The following ABCC5 variants were observed in gnomAD, a reference collection of about 807,000 sequenced individuals.
ABCC5 encodes ATP binding cassette subfamily C member 5, also known as ATP-binding cassette sub-family C member 5.
A neutral mutation model predicts 160.9 loss-of-function variants in ABCC5; 61 were observed. The observed-to-expected ratio is 0.38, with a 90% CI of 0.31 to 0.47. The LOEUF (loss-of-function observed/expected upper bound fraction) is 0.47. Among genes scored for constraint, ABCC5 ranks in the 20% least tolerant of loss-of-function variants. The pLI is 0.99. For synonymous variants in ABCC5, 666 were observed against 700.6 expected, an observed-to-expected ratio of 0.95 and a Z score of 0.78; for missense variants, 1,308 against 1,813.3, an observed-to-expected ratio of 0.72 and a Z score of 5.06.
At chr3:183,972,652 A>AT (rs112456208) in intron 10 of ABCC5, among the ~76,000 whole-genome samples, 19 of 150,830 alleles carry the variant, frequency 1.3e-4, no homozygotes, top group Admixed American at 2.0e-4. Flanking sequence ...AAGAAAAATA[A>AT]TTTTTTTTTT....
chr3:183,930,022 A>T (rs550109635), intron 26 of ABCC5, among the ~76,000 whole-genome samples: 1 of 105,744 alleles, frequency 9.5e-6, no homozygotes, highest in South Asian at 2.8e-4. Flanking sequence ...GGGATGTTAC[A>T]GTAATTTTGG....
intron 10 of ABCC5, among the ~76,000 whole-genome samples, chr3:183,977,246 G>A (rs1173345931): frequency 6.6e-6 from 1 of 152,224 alleles, no homozygotes; most frequent in Non-Finnish European, 1.5e-5. Context: ...CCAGGTGGAA[G>A]GGGCTAGCTC....
Position 183,963,688 on chromosome 3 carries a change from C to T in ABCC5, c.2032-100G>A. ...CTCTTCTTGCCCACCCAGACCAGCT[C>T]CTTCTGTCAATTCCCCGCAGATGAA... On this transcript the variant is annotated intron_variant, in intron 14 of 29. Transcript: ENST00000334444. This position sits in a 1 kb window ranked among gnomAD's most constrained non-coding sequence, Gnocchi z 4.6. 9.1e-7 allele frequency: 1 copy of T among 1,104,730 alleles called. No homozygotes were observed. The highest frequency in any genetic ancestry group is 2.3e-5 in the Admixed American group (1 of 43,256). 68.4% of individuals were successfully genotyped at this position (1,104,730 alleles called of 1,614,324 possible). A position where few individuals can be genotyped will look rare whatever the true frequency, so the allele number is the denominator to read the frequency against.
intron 28 of ABCC5, 78 bp downstream of exon 28, chr3:183,927,252 T>C (rs1712674342): frequency 7.0e-7 from 1 of 1,425,728 alleles, no homozygotes. Flanking sequence ...AGGAATACCT[T>C]TGGACCCCAG....
intron 26 of ABCC5, among the ~76,000 whole-genome samples, chr3:183,935,793 C>T (rs959178636): frequency 5.9e-5 from 9 of 152,220 alleles, no homozygotes; most frequent in South Asian, 4.1e-4. Context: ...TGAGCCACCA[C>T]GCCTGACCAA....
chr3:183,987,655 T>C lies in ABCC5; in HGVS notation c.591+115A>G. ...CCCTTTCAACAGACCTGAAGGCATCTCTAAGACTGCTACCTAGCCCAAAGC... is the reference window on the plus strand; with the variant it reads ...CCCTTTCAACAGACCTGAAGGCATCCCTAAGACTGCTACCTAGCCCAAAGC... On this transcript the variant is annotated intron_variant, in intron 5 of 29. Transcript: ENST00000334444. This position sits in a 1 kb window ranked among gnomAD's most constrained non-coding sequence, Gnocchi z 4.2. 6.9e-7 allele frequency: 1 copy of C among 1,455,862 alleles called. No homozygotes were observed. Among genetic ancestry groups the C allele is most frequent in the Non-Finnish European group, 9.4e-7 (1 of 1,059,168 alleles). The allele number at this position is 1,455,862 out of a possible 1,614,324, so 90.2% of individuals were successfully genotyped here. A position where few individuals can be genotyped will look rare whatever the true frequency, so the allele number is the denominator to read the frequency against.
chr3:183,953,871 C>A (rs1183491148), intron 17 of ABCC5, among the ~76,000 whole-genome samples: 1 of 152,174 alleles, frequency 6.6e-6, no homozygotes, highest in African/African-American at 2.4e-5. Context: ...GCCGACTAAG[C>A]AGGCTGTGGT....
Position 183,978,664 on chromosome 3 carries a change from A to G in ABCC5, c.1148-13T>C. ...TCCTCGCGGATTTCTATGAATAAAA[A>G]GCAAGCCAATTTCAAAGCAAGTTAA... is the stretch of plus-strand genomic sequence containing the variant. On this transcript the variant is annotated splice_polypyrimidine_tract_variant and intron_variant, in intron 8 of 29. Coordinates refer to ENST00000334444, the MANE Select transcript of ABCC5 (RefSeq NM_005688.4). The G allele has an allele frequency of 6.2e-7, 1 of 1,611,628 alleles. No individual in the cohort carries two copies. Among genetic ancestry groups the G allele is most frequent in the Non-Finnish European group, 8.5e-7 (1 of 1,178,758 alleles).
chr3:183,920,653 GAGAACTCACGGCGCTCTGCAT>G lies in ABCC5; in HGVS notation c.*626_*646del, dbSNP rs1711883265. 6.5e-6 allele frequency: 1 copy of G among 152,676 alleles called. No homozygotes were observed. The highest frequency in any genetic ancestry group is 6.5e-5 in the Admixed American group (1 of 15,278). The allele number at this position is 152,676 out of a possible 1,614,324, so 9.5% of individuals were successfully genotyped here. The stretch of plus-strand genomic sequence containing the variant: ...CACCAGGACAGAAGGCAGGAGCCCT[GAGAACTCACGGCGCTCTGCAT>G]GGTCTCCAGCCGCCCACCCGTCTCC... On this transcript the variant is annotated 3_prime_UTR_variant, in exon 30 of 30. Coordinates refer to ENST00000334444, the MANE Select transcript of ABCC5 (RefSeq NM_005688.4). This position sits in a 1 kb window ranked among gnomAD's most constrained non-coding sequence, Gnocchi z 4.1.
chr3:183,927,472 G>C (rs931443753), intron 27 of ABCC5, 29 bp from the exon 28 acceptor site: 2 of 1,593,310 alleles, frequency 1.3e-6, no homozygotes, highest in African/African-American at 2.7e-5. Flanking sequence ...GAGATCAGAG[G>C]GGTAAGAAAC....
chr3:183,956,644 C>T (rs1217700285), intron 17 of ABCC5, among the ~76,000 whole-genome samples: 7 of 142,126 alleles, frequency 4.9e-5, no homozygotes, highest in African/African-American at 1.3e-4. Context: ...GTGTAAATCA[C>T]ATCGGTTACA....
At chr3:183,952,999 G>C (rs370713267) in intron 18 of ABCC5, 87 bp downstream of exon 18, 1 of 1,382,724 alleles carries the variant, frequency 7.2e-7, no homozygotes. Flanking sequence ...GTGAAAACTA[G>C]AACAGTTTCC....
rs370263600 is a variant in ABCC5, at chr3:183,981,825, G to A, written c.1049C>T (p.Ala350Val). 6.8e-6 allele frequency: 11 copies of A among 1,611,100 alleles called. No individual in the cohort carries two copies. Among genetic ancestry groups the A allele is most frequent in the South Asian group, 1.1e-5 (1 of 90,148 alleles). ...CATCTTCTGGACACGTTCATCCGTG[G>A]CGGCCACGCATTTTCTCCTGAAATA... ...TAYFRRKCVA[A>V]TDERVQKMNE... Residue 350 changes from alanine to valine, a missense_variant, in exon 8 of 30, where the codon GCC becomes GTC. By Grantham distance (64) the Ala-to-Val change is moderately conservative (BLOSUM62 0). This residue lies in a region of ABCC5 where 1,142 missense variants were observed against 1,527.1 expected (regional missense o/e 0.75). Transcript: ENST00000334444.
chr3:183,961,825 G>A (rs192004256), intron 15 of ABCC5, among the ~76,000 whole-genome samples, 171 bp from the exon 16 acceptor site: 5 of 152,244 alleles, frequency 3.3e-5, no homozygotes, highest in East Asian at 1.9e-4. Flanking sequence ...TGTCGTTCAC[G>A]CTGGAGCGTG....
At chr3:183,944,074 C>T (rs908897207) in intron 24 of ABCC5, among the ~76,000 whole-genome samples, 1 of 152,220 alleles carries the variant, frequency 6.6e-6, no homozygotes, top group Non-Finnish European at 1.5e-5. Flanking sequence ...ATCCAGTTTA[C>T]GTACACTCAG....
At chr3:184,006,384 A>C (rs1261709171) in intron 2 of ABCC5, 2 of 152,002 alleles carry the variant, frequency 1.3e-5, no homozygotes. Context: ...GTATCAATCA[A>C]GAGAAAAATA....
intron 24 of ABCC5, among the ~76,000 whole-genome samples, chr3:183,944,911 G>C (rs567376094): frequency 6.6e-6 from 1 of 152,178 alleles, no homozygotes; most frequent in Non-Finnish European, 1.5e-5. Context: ...CCATGTGTGA[G>C]GGGAGAGGCC....
chr3:183,959,771 C>A lies in ABCC5; in HGVS notation c.2444G>T (p.Gly815Val), dbSNP rs961059733. 3 of 1,612,832 alleles carry A rather than the reference C, an allele frequency of 1.9e-6. No homozygotes were observed. The highest frequency in any genetic ancestry group is 2.7e-5 in the African/African-American group (2 of 74,820). ...TACTGCTTTTTCCTTCTTTACTGAT[C>A]CTGTTTTAGGACCCTTGTCTTGTGA... ...KKSQDKGPKT[G>V]SVKKEKAVKP... Residue 815 changes from glycine (G) to valine (V), a missense_variant, in exon 17 of 30, where the codon GGA (glycine) becomes GTA (valine). Gly to Val is a moderately radical substitution (Grantham distance 109). Around this residue, in one of 3 missense-constraint regions of ABCC5, gnomAD observed 1,142 missense variants for 1,527.1 expected, o/e 0.75. Coordinates refer to ENST00000334444, the MANE Select transcript of ABCC5 (RefSeq NM_005688.4).
At chr3:183,992,984 C>T (rs1719912845) in intron 2 of ABCC5, among the ~76,000 whole-genome samples, 2 of 152,156 alleles carry the variant, frequency 1.3e-5, no homozygotes, top group Admixed American at 1.3e-4. Flanking sequence ...AATGTTGACA[C>T]AATTCAGATT....
Sources: allele counts gnomAD v4.1 joint callset (sites outside exome capture counted in the v4.1 genomes callset), GRCh38; gene constraint gnomAD v4.1.1; regional missense constraint gnomAD v4.1.1; non-coding constraint Gnocchi (gnomAD v3.1); transcripts MANE v1.5; gene names NCBI Gene and HGNC (gene_info 2026-07-23, HGNC 2026-07-21).